The following ANO3 variants were observed in gnomAD, a reference collection of about 807,000 sequenced individuals.
The protein encoded by ANO3 is anoctamin 3.
In ANO3, 99 loss-of-function variants were observed where a neutral mutation model predicts 144.8. That is an observed-to-expected ratio of 0.68 (90% CI 0.58 to 0.81). The LOEUF (loss-of-function observed/expected upper bound fraction) is 0.81, where lower values mean the gene tolerates loss of function less well. Among genes scored for constraint, ANO3 ranks in the 30% least tolerant of loss-of-function variants. The pLI is 0.00. For synonymous variants in ANO3, 414 were observed against 392.6 expected (o/e 1.05, Z -0.64); for missense variants, 905 against 1,202.2 (o/e 0.75, Z 3.66).
chr11:26,447,932 A>G (rs1181506799), intron 3 of ANO3, among the ~76,000 whole-genome samples: 2 of 152,184 alleles, frequency 1.3e-5, no homozygotes, highest in Admixed American at 1.3e-4. Context: ...GGACACAGTA[A>G]TCCACGTTAA....
At chr11:26,634,807 G>C (rs192550790) in intron 19 of ANO3, among the ~76,000 whole-genome samples, 4 of 152,270 alleles carry the variant, frequency 2.6e-5, no homozygotes, top group Non-Finnish European at 4.4e-5. Context: ...TGGTTTGTCT[G>C]TACTTTCTTG....
chr11:26,642,850 C>T (rs1853213942), intron 22 of ANO3, among the ~76,000 whole-genome samples: 1 of 151,716 alleles, frequency 6.6e-6, no homozygotes, highest in Non-Finnish European at 1.5e-5. Context: ...TCTTCTTCCT[C>T]CTCCTTCTCC....
At chr11:26,557,434 C>T (rs1850118253) in intron 13 of ANO3, among the ~76,000 whole-genome samples, 1 of 147,756 alleles carries the variant, frequency 6.8e-6, no homozygotes, top group African/African-American at 2.5e-5. Context: ...GCTCTCCAGC[C>T]TGGGCAACAG....
At chr11:26,373,381 C>A (rs1007710262) in intron 1 of ANO3, among the ~76,000 whole-genome samples, 2 of 152,152 alleles carry the variant, frequency 1.3e-5, no homozygotes, top group African/African-American at 4.8e-5. Flanking sequence ...TCGCTCTTCA[C>A]ACTTCTCCCT....
chr11:26,485,815 C>T (rs571157547), intron 4 of ANO3, among the ~76,000 whole-genome samples: 24 of 152,138 alleles, frequency 1.6e-4, no homozygotes, highest in African/African-American at 5.8e-4. Flanking sequence ...TTGACTAAAA[C>T]TTCAAAAGAA....
intron 1 of ANO3, among the ~76,000 whole-genome samples, chr11:26,228,104 T>C (rs1381317350): frequency 1.3e-5 from 2 of 152,238 alleles, no homozygotes; most frequent in East Asian, 3.8e-4. Context: ...GACCTGATTA[T>C]AAGCTTGAAA....
chr11:26,304,352 C>T (rs1015494467), intron 1 of ANO3, among the ~76,000 whole-genome samples: 4 of 152,054 alleles, frequency 2.6e-5, no homozygotes, highest in Non-Finnish European at 5.9e-5. Flanking sequence ...TGTAATATAA[C>T]TAGGACCTAG....
intron 14 of ANO3, among the ~76,000 whole-genome samples, chr11:26,588,602 G>C (rs550882543): frequency 3.9e-5 from 6 of 152,254 alleles, no homozygotes; most frequent in African/African-American, 1.2e-4. Flanking sequence ...TTTTGCTCAA[G>C]TATATGCTGG....
chr11:26,298,398 G>A (rs546582044), intron 1 of ANO3, among the ~76,000 whole-genome samples: 25 of 151,786 alleles, frequency 1.6e-4, no homozygotes, highest in African/African-American at 5.8e-4. Flanking sequence ...ATATAAACTA[G>A]ATTTTTTTCC....
chr11:26,211,901 C>A (rs546044732), intron 1 of ANO3, among the ~76,000 whole-genome samples: 1 of 149,954 alleles, frequency 6.7e-6, no homozygotes, highest in Non-Finnish European at 1.5e-5. Context: ...ATGAGTTCAC[C>A]TTTGCAGGGA....
intron 1 of ANO3, among the ~76,000 whole-genome samples, chr11:26,369,204 A>G (rs1251979262): frequency 6.6e-6 from 1 of 152,158 alleles, no homozygotes. Flanking sequence ...TAGTGAGACT[A>G]AAAGTGGCAA....
intron 11 of ANO3, among the ~76,000 whole-genome samples, chr11:26,545,716 A>T (rs1197868147): frequency 7.6e-5 from 1 of 13,140 alleles, no homozygotes; most frequent in Non-Finnish European, 2.1e-4. Flanking sequence ...CAAATATTAA[A>T]AAAAAAAAAA....
chr11:26,191,283 G>GA (rs1336889521), intron 1 of ANO3, among the ~76,000 whole-genome samples: 124 of 135,590 alleles, frequency 9.1e-4, no homozygotes, highest in Middle Eastern at 3.8e-3. Context: ...CATCAAAAAA[G>GA]AAAAAAAAAC....
intron 1 of ANO3, among the ~76,000 whole-genome samples, chr11:26,365,975 TATATATATATATATATATATATA>T (rs1294708941): frequency 0.19 from 16,762 of 87,492 alleles, 1,437 homozygotes; most frequent in South Asian, 0.35. Context: ...TATATATATA[TATATATATATATATATATATATA>T]TATATTTTAA....
chr11:26,572,297 C>A (rs1850860489), intron 14 of ANO3: 1 of 942,102 alleles, frequency 1.1e-6, no homozygotes, highest in Non-Finnish European at 1.3e-6. Context: ...TTAACAACAA[C>A]AACAAAAGCC....
At chr11:26,535,708 G>T (rs1452078662) in intron 9 of ANO3, among the ~76,000 whole-genome samples, 2 of 150,322 alleles carry the variant, frequency 1.3e-5, no homozygotes, top group African/African-American at 2.5e-5. Context: ...TCAGCCTCCC[G>T]AGTGGCTGGA....
intron 1 of ANO3, among the ~76,000 whole-genome samples, chr11:26,366,419 TTGCTATTGTGAGTA>T (rs749215709): frequency 2.6e-5 from 4 of 152,140 alleles, no homozygotes; most frequent in Non-Finnish European, 5.9e-5. Context: ...TTCCAAGTCT[TTGCTATTGTGAGTA>T]GTGCTGCAAT....
chr11:26,481,979 A>G (rs1037949351), intron 4 of ANO3, among the ~76,000 whole-genome samples: 2 of 151,834 alleles, frequency 1.3e-5, no homozygotes, highest in Non-Finnish European at 2.9e-5. Flanking sequence ...TGCAGCCTCG[A>G]AGTCCTGGGC....
At chr11:26,368,293 TAC>T (rs879549450) in intron 1 of ANO3, among the ~76,000 whole-genome samples, 56 of 152,302 alleles carry the variant, frequency 3.7e-4, no homozygotes, top group Admixed American at 2.3e-3. Context: ...TTCAGTTTTT[TAC>T]AGAGTAAGCT....
Sources: gnomAD v4.1 joint callset for allele counts (sites outside exome capture counted in the v4.1 genomes callset) on GRCh38, gnomAD v4.1.1 for gene constraint, MANE v1.5 for transcripts, NCBI Gene and HGNC (gene_info 2026-07-23, HGNC 2026-07-21) for gene names.